Variants in MLXIP observed in about 807,000 individuals in gnomAD.
The protein encoded by MLXIP is MLX interacting protein, also known as MLX-interacting protein.
A neutral mutation model predicts 87.2 loss-of-function variants in MLXIP; 30 were observed. The observed-to-expected ratio is 0.34, with a 90% confidence interval of 0.26 to 0.47. The LOEUF is 0.47. Among genes scored for constraint, MLXIP ranks in the 20% least tolerant of loss-of-function variants. MLXIP has a pLI of 1.00. For missense variants in MLXIP, 1,002 were observed against 1,240.1 expected, an observed-to-expected ratio of 0.81 and a Z score of 2.88; for synonymous variants, 530 against 514.0, an observed-to-expected ratio of 1.03 and a Z score of -0.42.
At chr12:122,080,301 G>T (rs1019730683) in intron 1 of MLXIP, among the ~76,000 whole-genome samples, 1 of 152,170 alleles carries the variant, frequency 6.6e-6, no homozygotes, top group African/African-American at 2.4e-5. Flanking sequence ...ACTAGCGGGG[G>T]CTGTCTTAGG....
intron 1 of MLXIP, among the ~76,000 whole-genome samples, chr12:122,125,076 G>A (rs2135965515): frequency 6.6e-6 from 1 of 152,382 alleles, no homozygotes; most frequent in Admixed American, 6.5e-5. Context: ...TGAGGCAGGA[G>A]AATCACTTGA....
intron 1 of MLXIP, among the ~76,000 whole-genome samples, chr12:122,121,861 C>A (rs975069184): frequency 1.3e-5 from 2 of 152,194 alleles, no homozygotes; most frequent in African/African-American, 4.8e-5. Flanking sequence ...ATGTCAAGAA[C>A]CTGCCTTCTA....
Position 122,137,705 on chromosome 12 carries a change from A to T in MLXIP, c.2154+115A>T, listed in dbSNP as rs1953119425. On this transcript the variant is annotated intron_variant, in intron 12 of 16. Coordinates refer to ENST00000319080, the MANE Select transcript of MLXIP (RefSeq NM_014938.6). The surrounding 1 kb of genome is among the most constrained non-coding windows in gnomAD (Gnocchi z 4.1). ...CAGACCCAGCCAGAGCTGCCCAGGC[A>T]GGGGTGGATCAGAAATGGGCTTCTC... is the stretch of plus-strand genomic sequence containing the variant. The T allele has an allele frequency of 6.7e-7, 1 of 1,496,850 alleles. No homozygotes were observed. Among genetic ancestry groups the T allele is most frequent in the South Asian group, 1.3e-5 (1 of 77,162 alleles). 92.7% of individuals were successfully genotyped at this position (1,496,850 alleles called of 1,614,324 possible).
chr12:122,112,594 C>T (rs1952621249), intron 1 of MLXIP, among the ~76,000 whole-genome samples: 1 of 151,674 alleles, frequency 6.6e-6, no homozygotes, highest in South Asian at 2.1e-4. Flanking sequence ...TTGCAGTGAG[C>T]CAAGATCGTG....
At chr12:122,082,355 A>G (rs533364372) in intron 1 of MLXIP, among the ~76,000 whole-genome samples, 32 of 152,344 alleles carry the variant, frequency 2.1e-4, no homozygotes, top group African/African-American at 6.5e-4. Flanking sequence ...CCAGGTGTTA[A>G]TGATGGAAAA....
intron 1 of MLXIP, among the ~76,000 whole-genome samples, chr12:122,088,187 C>A (rs1372630941): frequency 6.6e-6 from 1 of 152,214 alleles, no homozygotes; most frequent in Admixed American, 6.5e-5. Flanking sequence ...TGCCCCTCCC[C>A]CTCTGCTGTC....
Position 122,147,295 on chromosome 12 carries a change from A to T in MLXIP, c.*5483A>T, listed in dbSNP as rs898992093. On this transcript the variant is annotated 3_prime_UTR_variant, in exon 17 of 17. Transcript: ENST00000319080. ...TATTCAACACTACAATGCATTTTTT[A>T]AACTATATTTGCATCCAAGACAATA... 1 of 152,190 alleles carries T rather than the reference A, an allele frequency of 6.6e-6. No individual in the cohort carries two copies. Among genetic ancestry groups the T allele is most frequent in the Non-Finnish European group, 1.5e-5 (1 of 68,036 alleles). The allele number at this position is 152,190 out of a possible 1,614,324, so 9.4% of individuals were successfully genotyped here. A position where few individuals can be genotyped will look rare whatever the true frequency, so the allele number is the denominator to read the frequency against.
In MLXIP at chr12:122,132,663, G is replaced by A. The variant is rs551930593; in HGVS notation, c.1092+280G>A. 1.0e-5 allele frequency: 4 copies of A among 387,262 alleles called. No homozygotes were observed. In the South Asian group the frequency reaches 2.4e-4, roughly 23 times the overall value. 24.0% of individuals were successfully genotyped at this position (387,262 alleles called of 1,614,324 possible). A position where few individuals can be genotyped will look rare whatever the true frequency, so the allele number is the denominator to read the frequency against. On this transcript the variant is annotated intron_variant, in intron 8 of 16. Coordinates refer to ENST00000319080, the MANE Select transcript of MLXIP (RefSeq NM_014938.6). The stretch of plus-strand genomic sequence containing the variant: ...AGCTCTGCTCCGACTAATTAACACA[G>A]AATTAGCTAGACAGAGAAGAAAAAC...
intron 1 of MLXIP, among the ~76,000 whole-genome samples, chr12:122,103,297 T>C (rs1233255676): frequency 1.3e-5 from 2 of 152,054 alleles, no homozygotes; most frequent in Non-Finnish European, 2.9e-5. Context: ...CAGTTTTGGC[T>C]CACTGCAACC....
chr12:122,112,519 C>T (rs181437039), intron 1 of MLXIP, among the ~76,000 whole-genome samples: 5,525 of 151,906 alleles, frequency 0.036, 306 homozygotes, highest in African/African-American at 0.13. Flanking sequence ...TGGTGGCGGG[C>T]GCCTGTAGTC....
chr12:122,114,517 G>A (rs1388354631), intron 1 of MLXIP, among the ~76,000 whole-genome samples: 2 of 152,158 alleles, frequency 1.3e-5, no homozygotes, highest in East Asian at 3.9e-4. Flanking sequence ...CCAGATGTCT[G>A]GCTAAGACCT....
chr12:122,113,932 G>T (rs1003506509), intron 1 of MLXIP, among the ~76,000 whole-genome samples: 6 of 148,782 alleles, frequency 4.0e-5, no homozygotes, highest in African/African-American at 1.5e-4. Flanking sequence ...TGATCCGCCC[G>T]CCTCGGCCTC....
At chr12:122,089,720 A>T (rs1952218532) in intron 1 of MLXIP, among the ~76,000 whole-genome samples, 1 of 152,208 alleles carries the variant, frequency 6.6e-6, no homozygotes. Context: ...GTTGTAGCAC[A>T]CATCAGGTGT....
intron 1 of MLXIP, among the ~76,000 whole-genome samples, chr12:122,109,384 A>C (rs59061515): frequency 0.043 from 6,489 of 152,234 alleles, 424 homozygotes; most frequent in African/African-American, 0.15. Flanking sequence ...TTGTATTCTT[A>C]GTAGTGATGG....
Position 122,140,955 on chromosome 12 carries a change from T to A in MLXIP, c.2510T>A (p.Phe837Tyr), listed in dbSNP as rs1953190164. Residue 837 changes from phenylalanine to tyrosine, a missense_variant and splice_region_variant, in exon 16 of 17, where the codon TTC becomes TAC. Phe to Tyr is a conservative substitution (Grantham distance 22). Around this residue, in one of 3 missense-constraint regions of MLXIP, gnomAD observed 746 missense variants for 897.0 expected, o/e 0.83. Transcript: ENST00000319080. ...CTTTTCTTTAACCACACACTGCAGTTCAGCATCATCATCAAGCCGCTGTTT... is the reference window on the plus strand; with the variant it reads ...CTTTTCTTTAACCACACACTGCAGTACAGCATCATCATCAAGCCGCTGTTT... ...RTLQNWKFWI[F>Y]SIIIKPLFES... 1 of 1,613,864 alleles carries A rather than the reference T, an allele frequency of 6.2e-7. No homozygotes were observed. Among genetic ancestry groups the A allele is most frequent in the African/African-American group, 1.3e-5 (1 of 74,916 alleles).
chr12:122,108,926 T>C (rs1952562026), intron 1 of MLXIP, among the ~76,000 whole-genome samples: 1 of 152,194 alleles, frequency 6.6e-6, no homozygotes, highest in Admixed American at 6.5e-5. Context: ...GACCTTGACT[T>C]TTAGTGACTA....
At chr12:122,141,171 C>T in intron 16 of MLXIP, 88 bp downstream of exon 16, 1 of 1,475,424 alleles carries the variant, frequency 6.8e-7, no homozygotes, top group East Asian at 2.5e-5. Flanking sequence ...AGCCAGACTC[C>T]ACTGCAGGCA....
chr12:122,094,499 TG>T (rs1952314569), intron 1 of MLXIP, among the ~76,000 whole-genome samples: 1 of 35,750 alleles, frequency 2.8e-5, no homozygotes, highest in African/African-American at 8.9e-5. Context: ...TTGCAATGTC[TG>T]TGTGTGTGGT....
At chr12:122,094,074 TGTG>T (rs1396287072) in intron 1 of MLXIP, among the ~76,000 whole-genome samples, 32 of 139,224 alleles carry the variant, frequency 2.3e-4, no homozygotes, top group Non-Finnish European at 3.2e-4. Context: ...CGGTGTCTGG[TGTG>T]GTGTGTTGGT....
Sources: allele counts gnomAD v4.1 joint callset (sites outside exome capture counted in the v4.1 genomes callset), GRCh38; gene constraint gnomAD v4.1.1; regional missense constraint gnomAD v4.1.1; non-coding constraint Gnocchi (gnomAD v3.1); transcripts MANE v1.5; gene names NCBI Gene and HGNC (gene_info 2026-07-23, HGNC 2026-07-21).